The following SLC10A7 variants were observed in gnomAD, a reference collection of about 807,000 sequenced individuals.
The protein encoded by SLC10A7 is sodium/bile acid cotransporter 7.
Under a neutral mutation model 43.2 loss-of-function variants are expected in SLC10A7, and 29 were observed. The ratio of observed to expected loss-of-function variants is 0.67; its 90% CI spans 0.50 to 0.92. The LOEUF is 0.92. Ranked by LOEUF, SLC10A7 falls within the 40% of genes least tolerant of loss-of-function variation. The probability of loss-of-function intolerance (pLI) is 0.00; values close to 1 mark genes in which losing one functional copy is unlikely to be tolerated. For missense variants in SLC10A7, 295 were observed against 403.2 expected, an observed-to-expected ratio of 0.73 and a Z score of 2.30; for synonymous variants, 152 against 144.8, an observed-to-expected ratio of 1.05 and a Z score of -0.35.
At chr4:146,480,714 T>A (rs1734396472) in intron 4 of SLC10A7, among the ~76,000 whole-genome samples, 1 of 152,010 alleles carries the variant, frequency 6.6e-6, no homozygotes, top group Admixed American at 6.6e-5. Context: ...AATATGACAT[T>A]TCAGCTGGGT....
intron 5 of SLC10A7, among the ~76,000 whole-genome samples, chr4:146,383,732 T>G (rs10027855): frequency 0.14 from 21,119 of 152,106 alleles, 1,544 homozygotes; most frequent in South Asian, 0.16. Context: ...AAACCTGAAG[T>G]TCAGAAAGGC....
intron 4 of SLC10A7, among the ~76,000 whole-genome samples, chr4:146,461,168 G>A (rs966960499): frequency 5.3e-5 from 8 of 151,942 alleles, no homozygotes; most frequent in Non-Finnish European, 8.8e-5. Context: ...TTTAAAGATG[G>A]TAAGGATTTC....
At position 146,255,124 on chromosome 4, in the gene SLC10A7, T is replaced by C. The variant is rs1465647354; in HGVS notation, c.*1367A>G. The C allele has an allele frequency of 2.6e-5, 4 of 152,356 alleles. No individual in the cohort carries two copies. Among genetic ancestry groups the C allele is most frequent in the Admixed American group, 6.5e-5 (1 of 15,278 alleles). 9.4% of individuals were successfully genotyped at this position (152,356 alleles called of 1,614,324 possible). A position where few individuals can be genotyped will look rare whatever the true frequency, so the allele number is the denominator to read the frequency against. ...CTCAGTGAGACCCAGGATGCCAATA[T>C]TGTCTATCAAATCAAGAGAGGACGT... On this transcript the variant is annotated 3_prime_UTR_variant, in exon 12 of 12. Transcript: ENST00000335472.
intron 5 of SLC10A7, among the ~76,000 whole-genome samples, chr4:146,332,044 T>A (rs1733573535): frequency 6.6e-6 from 1 of 152,124 alleles, no homozygotes; most frequent in Non-Finnish European, 1.5e-5. Context: ...ATTAGGAGCC[T>A]AGGGAAGGGT....
chr4:146,445,807 G>C (rs150934766), intron 4 of SLC10A7, among the ~76,000 whole-genome samples: 2 of 152,074 alleles, frequency 1.3e-5, no homozygotes, highest in East Asian at 3.9e-4. Flanking sequence ...ATCCCTAATC[G>C]AACTCCTCTC....
intron 5 of SLC10A7, among the ~76,000 whole-genome samples, chr4:146,329,545 G>A (rs895146738): frequency 6.6e-6 from 1 of 152,160 alleles, no homozygotes; most frequent in African/African-American, 2.4e-5. Flanking sequence ...GCAATGCCAG[G>A]AATTGAACCT....
At chr4:146,435,611 T>G (rs941809891) in intron 5 of SLC10A7, among the ~76,000 whole-genome samples, 2 of 151,954 alleles carry the variant, frequency 1.3e-5, no homozygotes, top group Non-Finnish European at 2.9e-5. Context: ...AAATATTAGC[T>G]CAACAAATAG....
chr4:146,256,750 T>A, intron 11 of SLC10A7: 3 of 1,214,256 alleles, frequency 2.5e-6, no homozygotes, highest in South Asian at 1.4e-5. Flanking sequence ...ACTCGTATGG[T>A]TCCCCTGTGC....
chr4:146,368,063 T>C (rs1309095705), intron 5 of SLC10A7, among the ~76,000 whole-genome samples: 1 of 152,226 alleles, frequency 6.6e-6, no homozygotes, highest in Non-Finnish European at 1.5e-5. Flanking sequence ...GCATTCATTA[T>C]AATGCAGCTC....
At chr4:146,472,228 A>G (rs1733628575) in intron 4 of SLC10A7, among the ~76,000 whole-genome samples, 1 of 152,128 alleles carries the variant, frequency 6.6e-6, no homozygotes, top group African/African-American at 2.4e-5. Context: ...AAACAAATCA[A>G]GTTAAGCGCC....
At chr4:146,496,526 A>G (rs1735914633) in intron 4 of SLC10A7, among the ~76,000 whole-genome samples, 2 of 152,124 alleles carry the variant, frequency 1.3e-5, no homozygotes, top group South Asian at 4.1e-4. Context: ...GAAGACCCTC[A>G]TGTGACAGGT....
intron 1 of SLC10A7, among the ~76,000 whole-genome samples, chr4:146,521,362 T>G (rs1261688650): frequency 6.6e-6 from 1 of 152,152 alleles, no homozygotes; most frequent in African/African-American, 2.4e-5. Context: ...CTCTGTAACC[T>G]CACTTCTTGA....
chr4:146,332,737 G>A (rs973909145), intron 5 of SLC10A7, among the ~76,000 whole-genome samples: 3 of 152,160 alleles, frequency 2.0e-5, no homozygotes. Flanking sequence ...TGCAAGGACA[G>A]AATAATACAC....
intron 5 of SLC10A7, among the ~76,000 whole-genome samples, chr4:146,406,844 G>C (rs1331225060): frequency 6.6e-6 from 1 of 152,094 alleles, no homozygotes; most frequent in African/African-American, 2.4e-5. Context: ...TTAGCTGGGC[G>C]TGGTGGTGGG....
At chr4:146,369,523 A>G (rs1302178811) in intron 5 of SLC10A7, among the ~76,000 whole-genome samples, 3 of 152,146 alleles carry the variant, frequency 2.0e-5, no homozygotes, top group Admixed American at 1.3e-4. Flanking sequence ...ATATTTCTTT[A>G]CTGGTGATAT....
chr4:146,488,751 C>A (rs370927459), intron 4 of SLC10A7, among the ~76,000 whole-genome samples: 4 of 152,120 alleles, frequency 2.6e-5, no homozygotes, highest in Admixed American at 6.6e-5. Context: ...GCAGAATAGG[C>A]GTGAATAATT....
intron 9 of SLC10A7, among the ~76,000 whole-genome samples, chr4:146,283,898 A>G (rs781730661): frequency 1.3e-4 from 20 of 152,172 alleles, no homozygotes; most frequent in Admixed American, 5.9e-4. Flanking sequence ...TAAGTGACAG[A>G]GCCAGGATTC....
intron 5 of SLC10A7, among the ~76,000 whole-genome samples, chr4:146,374,420 C>G (rs150721789): frequency 6.6e-6 from 1 of 151,778 alleles, no homozygotes. Context: ...GAAATTCCCT[C>G]GCTACTAAAA....
At chr4:146,359,509 G>T (rs1044254769) in intron 5 of SLC10A7, among the ~76,000 whole-genome samples, 3 of 151,798 alleles carry the variant, frequency 2.0e-5, no homozygotes, top group Non-Finnish European at 4.4e-5. Flanking sequence ...AAAAACTATG[G>T]GTTTATTCTA....
Sources: allele counts gnomAD v4.1 joint callset (sites outside exome capture counted in the v4.1 genomes callset), GRCh38; gene constraint gnomAD v4.1.1; transcripts MANE v1.5; gene names NCBI Gene and HGNC (gene_info 2026-07-23, HGNC 2026-07-21).